Variants in SLC49A4 observed in about 807,000 individuals in gnomAD.
The protein encoded by SLC49A4 is solute carrier family 49 member 4.
SLC49A4 carries 36 observed loss-of-function variants against 50.6 expected under a neutral mutation model. The observed-to-expected ratio is 0.71, with a 90% CI of 0.55 to 0.94. The LOEUF is 0.94. Ranked by LOEUF, SLC49A4 falls within the 40% of genes least tolerant of loss-of-function variation. SLC49A4 has a pLI of 0.00. For missense variants in SLC49A4, 503 were observed against 605.7 expected, an observed-to-expected ratio of 0.83 and a Z score of 1.78; for synonymous variants, 248 against 241.2, an observed-to-expected ratio of 1.03 and a Z score of -0.26.
chr3:122,879,386 G>C lies in SLC49A4; in HGVS notation c.*8G>C, dbSNP rs779669415. 17 of 1,601,654 alleles carry C rather than the reference G, an allele frequency of 1.1e-5. No individual in the cohort carries two copies. The East Asian group carries it at 1.6e-4, about 15-fold the overall frequency. ...GTGGTTGTCTCCGTTTAATAGCACAGACTTGAAGGAGTTTAAAAGGAGGCT... is the reference window on the plus strand; with the variant it reads ...GTGGTTGTCTCCGTTTAATAGCACACACTTGAAGGAGTTTAAAAGGAGGCT... On this transcript the variant is annotated 3_prime_UTR_variant, in exon 9 of 9. Transcript: ENST00000261038.
intron 7 of SLC49A4, among the ~76,000 whole-genome samples, chr3:122,862,424 A>G (rs1937068211): frequency 6.6e-6 from 1 of 152,216 alleles, no homozygotes; most frequent in Non-Finnish European, 1.5e-5. Flanking sequence ...CAAAGTAATA[A>G]TTAGATACAG....
chr3:122,801,905 T>G (rs1262981420), intron 1 of SLC49A4, among the ~76,000 whole-genome samples: 1 of 152,176 alleles, frequency 6.6e-6, no homozygotes, highest in Non-Finnish European at 1.5e-5. Context: ...GCAGTGGGTA[T>G]TAGTCAGAAA....
At chr3:122,825,635 T>TAA (rs71621694) in intron 2 of SLC49A4, among the ~76,000 whole-genome samples, 2 of 144,166 alleles carry the variant, frequency 1.4e-5, no homozygotes, top group Admixed American at 7.0e-5. Flanking sequence ...GATGGCAGTT[T>TAA]AAAAAAAAAA....
At chr3:122,822,951 A>G (rs550954923) in intron 2 of SLC49A4, among the ~76,000 whole-genome samples, 1 of 152,108 alleles carries the variant, frequency 6.6e-6, no homozygotes, top group Non-Finnish European at 1.5e-5. Flanking sequence ...ACGGTTCTCC[A>G]GACCATCCGC....
rs142104808 is a variant in SLC49A4 at position 122,821,560 on chromosome 3, C to T, written c.438-5240C>T. On this transcript the variant is annotated intron_variant, in intron 2 of 8. Coordinates refer to ENST00000261038, the MANE Select transcript of SLC49A4 (RefSeq NM_032839.3). ...GCAGTCCATTAACTGTGAGGATACA[C>T]GTGCTTTCATCAGGTGTGGAGTTTC... Among the ~76,000 whole-genome samples the T allele has an allele frequency of 2.2e-4, 33 of 152,304 alleles. No individual in the cohort carries two copies. In the East Asian group the frequency reaches 5.6e-3, roughly 26 times the overall value.
At chr3:122,830,632 A>T (rs1368845861) in intron 3 of SLC49A4, among the ~76,000 whole-genome samples, 1 of 152,242 alleles carries the variant, frequency 6.6e-6, no homozygotes, top group Non-Finnish European at 1.5e-5. Context: ...AATGAATTTG[A>T]ACCCCGTTGT....
chr3:122,864,085 T>G (rs1937086986), intron 7 of SLC49A4, among the ~76,000 whole-genome samples: 1 of 152,206 alleles, frequency 6.6e-6, no homozygotes, highest in African/African-American at 2.4e-5. Flanking sequence ...ATGGCAATCT[T>G]TCTGTAGTTC....
intron 4 of SLC49A4, among the ~76,000 whole-genome samples, chr3:122,843,661 T>C (rs1244099374): frequency 6.6e-6 from 1 of 152,242 alleles, no homozygotes; most frequent in Admixed American, 6.5e-5. Context: ...TATAATTTAA[T>C]TGTTGAGGAG....
chr3:122,877,441 G>A (rs1325445763), intron 8 of SLC49A4, among the ~76,000 whole-genome samples: 2 of 152,156 alleles, frequency 1.3e-5, no homozygotes, highest in African/African-American at 4.8e-5. Context: ...AACCTATGTA[G>A]AAGAAATGAT....
At chr3:122,847,625 G>A (rs562640095) in intron 5 of SLC49A4, among the ~76,000 whole-genome samples, 6 of 151,952 alleles carry the variant, frequency 3.9e-5, no homozygotes, top group Non-Finnish European at 8.8e-5. Context: ...GATTACAGGC[G>A]TGAGCCACCA....
In SLC49A4 at chr3:122,829,571, A is replaced by G. The variant is rs149928373; in HGVS notation, c.703+2506A>G. ...AGTCTGAGACCAGCCTGGCCAACAT[A>G]GCAAAACCCCATCTCTACTAAAAAG... On this transcript the variant is annotated intron_variant, in intron 3 of 8. Coordinates refer to ENST00000261038, the MANE Select transcript of SLC49A4 (RefSeq NM_032839.3). 2.3e-4 allele frequency among the ~76,000 whole-genome samples: 35 copies of G among 152,270 alleles called. No homozygotes were observed. The East Asian group carries it at 4.8e-3, about 21-fold the overall frequency.
chr3:122,823,870 G>A (rs1936485899), intron 2 of SLC49A4, among the ~76,000 whole-genome samples: 1 of 152,148 alleles, frequency 6.6e-6, no homozygotes, highest in Admixed American at 6.5e-5. Flanking sequence ...ATAGTGTCAG[G>A]CAAACATGAC....
At chr3:122,849,611 C>T (rs1276414145) in intron 5 of SLC49A4, among the ~76,000 whole-genome samples, 2 of 151,878 alleles carry the variant, frequency 1.3e-5, no homozygotes. Flanking sequence ...TATTTGTTGG[C>T]CATTATATGT....
intron 5 of SLC49A4, among the ~76,000 whole-genome samples, chr3:122,848,852 C>T (rs7632515): frequency 0.78 from 118,781 of 151,960 alleles, 46,723 homozygotes; most frequent in Non-Finnish European, 0.84. Context: ...TTTTGAAATA[C>T]ACAATAAGCT....
chr3:122,795,159 CGCCCG>C lies in SLC49A4; in HGVS notation c.-31_-27del. The C allele has an allele frequency of 7.6e-7, 1 of 1,311,654 alleles. No homozygotes were observed. Among genetic ancestry groups the C allele is most frequent in the Non-Finnish European group, 9.6e-7 (1 of 1,039,484 alleles). The allele number at this position is 1,311,654 out of a possible 1,614,324, so 81.3% of individuals were successfully genotyped here. ...GGCTAGTCGGCGGTGACCCGGACTG[CGCCCG>C]GCAGTGGCTTCGCGGGCGACGCGTC... On this transcript the variant is annotated 5_prime_UTR_variant, in exon 1 of 9. Coordinates refer to ENST00000261038, the MANE Select transcript of SLC49A4 (RefSeq NM_032839.3).
chr3:122,875,846 A>G (rs1310243709), intron 8 of SLC49A4, among the ~76,000 whole-genome samples: 2 of 152,176 alleles, frequency 1.3e-5, no homozygotes, highest in Non-Finnish European at 2.9e-5. Context: ...CTAGCAAGCT[A>G]GGTTCTGCTG....
At chr3:122,858,193 A>G (rs1159381451) in intron 6 of SLC49A4, among the ~76,000 whole-genome samples, 5 of 152,222 alleles carry the variant, frequency 3.3e-5, no homozygotes, top group East Asian at 1.9e-4. Context: ...ATACACTTCA[A>G]TGGTATCAGC....
At chr3:122,808,365 G>A (rs1246569596) in intron 2 of SLC49A4, among the ~76,000 whole-genome samples, 1 of 152,172 alleles carries the variant, frequency 6.6e-6, no homozygotes, top group Non-Finnish European at 1.5e-5. Context: ...AAAGGATGGT[G>A]AGATTTCAGA....
At chr3:122,873,892 C>G (rs760875844) in intron 8 of SLC49A4, among the ~76,000 whole-genome samples, 1 of 152,210 alleles carries the variant, frequency 6.6e-6, no homozygotes, top group African/African-American at 2.4e-5. Context: ...TATTGCCTGT[C>G]TGCCTGGTAA....
Sources: allele counts gnomAD v4.1 joint callset (sites outside exome capture counted in the v4.1 genomes callset), GRCh38; gene constraint gnomAD v4.1.1; transcripts MANE v1.5; gene names NCBI Gene and HGNC (gene_info 2026-07-23, HGNC 2026-07-21).